Variants in SLC45A2 observed in about 807,000 individuals in gnomAD.
SLC45A2 encodes the protein membrane-associated transporter protein.
SLC45A2 carries 36 observed loss-of-function variants against 45.5 expected under a neutral mutation model. The ratio of observed to expected loss-of-function variants is 0.79; its 90% CI spans 0.61 to 1.04. The LOEUF (loss-of-function observed/expected upper bound fraction) is 1.04, where lower values mean the gene tolerates loss of function less well. SLC45A2 is among the 50% of genes least tolerant of loss of function. SLC45A2 has a pLI of 0.00. For missense variants in SLC45A2, 719 were observed against 671.0 expected, an observed-to-expected ratio of 1.07 and a Z score of -0.79; for synonymous variants, 306 against 269.3, an observed-to-expected ratio of 1.14 and a Z score of -1.33.
At chr5:33,948,262 T>C (rs1751997176) in intron 5 of SLC45A2, among the ~76,000 whole-genome samples, 1 of 152,246 alleles carries the variant, frequency 6.6e-6, no homozygotes, top group Non-Finnish European at 1.5e-5. Context: ...ATCAGTATAG[T>C]GGCAGAACTA....
chr5:33,960,331 G>A (rs530721452), intron 3 of SLC45A2, among the ~76,000 whole-genome samples: 4 of 151,900 alleles, frequency 2.6e-5, no homozygotes, highest in African/African-American at 9.7e-5. Flanking sequence ...TGATTGATGG[G>A]CATTTAGGTT....
chr5:33,956,451 A>G (rs537562601), intron 3 of SLC45A2, among the ~76,000 whole-genome samples: 23 of 63,236 alleles, frequency 3.6e-4, no homozygotes, highest in Middle Eastern at 6.0e-3. Context: ...AGACCATGAC[A>G]ACAGTTTTTT....
chr5:33,961,110 G>A (rs2111952990), intron 3 of SLC45A2, among the ~76,000 whole-genome samples: 1 of 152,210 alleles, frequency 6.6e-6, no homozygotes, highest in Non-Finnish European at 1.5e-5. Context: ...GCTATTGAAT[G>A]AATAAAAGAA....
intron 2 of SLC45A2, among the ~76,000 whole-genome samples, chr5:33,968,323 T>C (rs550542326): frequency 6.6e-6 from 1 of 152,216 alleles, no homozygotes; most frequent in African/African-American, 2.4e-5. Context: ...CACACCTACA[T>C]CCAGACTGTA....
chr5:33,975,852 A>T (rs1752914124), intron 2 of SLC45A2, among the ~76,000 whole-genome samples: 1 of 152,082 alleles, frequency 6.6e-6, no homozygotes. Context: ...TGCTTTCTTC[A>T]TTTAAAGAGT....
intron 3 of SLC45A2, among the ~76,000 whole-genome samples, chr5:33,958,768 GTTGTA>G (rs1209051326): frequency 6.6e-6 from 1 of 152,158 alleles, no homozygotes; most frequent in African/African-American, 2.4e-5. Context: ...CGTTGTATCT[GTTGTA>G]TTTATTTTTG....
chr5:33,955,642 TACACAC>T (rs796587683), intron 3 of SLC45A2, among the ~76,000 whole-genome samples: 2 of 151,336 alleles, frequency 1.3e-5, no homozygotes, highest in Non-Finnish European at 2.9e-5. Context: ...TATATGTTTA[TACACAC>T]ACACACACAA....
intron 2 of SLC45A2, among the ~76,000 whole-genome samples, chr5:33,974,337 C>T (rs539226274): frequency 6.6e-6 from 1 of 151,966 alleles, no homozygotes; most frequent in South Asian, 2.1e-4. Flanking sequence ...AGTCTTTTCT[C>T]TAGAAAATCC....
At chr5:33,951,757 C>T (rs1216358789) in intron 4 of SLC45A2, 80 bp from the exon 5 acceptor site, 26 of 1,573,728 alleles carry the variant, frequency 1.7e-5, no homozygotes, top group African/African-American at 1.3e-5. Context: ...TTCTCCACCT[C>T]TGGGGAGCAA....
intron 2 of SLC45A2, chr5:33,972,304 C>T (rs1752807470): frequency 4.8e-6 from 2 of 414,516 alleles, no homozygotes; most frequent in Non-Finnish European, 9.8e-6. Context: ...TACAACAGAC[C>T]AAATACACGG....
rs114161294 is a variant in SLC45A2 at position 33,976,282 on chromosome 5, G to T, written c.562+5954C>A. Among the ~76,000 whole-genome samples the T allele has an allele frequency of 9.7e-3, 1,483 of 152,272 alleles. 24 individuals carry two copies. The highest frequency in any genetic ancestry group is 0.034 in the African/African-American group (1,395 of 41,556). On this transcript the variant is annotated intron_variant, in intron 2 of 6. Coordinates refer to ENST00000296589, the MANE Select transcript of SLC45A2 (RefSeq NM_016180.5). ...AGTCCCCCAAAAAGATCATTAAAGTGCATATAACATTGTCTCTCATTCACA... is the reference window on the plus strand; with the variant it reads ...AGTCCCCCAAAAAGATCATTAAAGTTCATATAACATTGTCTCTCATTCACA...
intron 5 of SLC45A2, among the ~76,000 whole-genome samples, chr5:33,947,935 C>T (rs1475619285): frequency 6.6e-6 from 1 of 152,206 alleles, no homozygotes; most frequent in Non-Finnish European, 1.5e-5. Context: ...AGACACCTTC[C>T]CTGACTTGCC....
intron 2 of SLC45A2, chr5:33,971,911 G>A (rs1003417742): frequency 2.7e-6 from 1 of 366,632 alleles, no homozygotes; most frequent in Non-Finnish European, 5.5e-6. Flanking sequence ...ACAGGTGAGA[G>A]CTACCACACC....
chr5:33,966,985 C>T (rs1018933988), intron 2 of SLC45A2, among the ~76,000 whole-genome samples: 2 of 152,182 alleles, frequency 1.3e-5, no homozygotes, highest in African/African-American at 2.4e-5. Context: ...GCTGCCTCCT[C>T]ATCTGAATTT....
intron 4 of SLC45A2, among the ~76,000 whole-genome samples, chr5:33,952,086 C>T (rs534901451): frequency 2.3e-4 from 35 of 152,240 alleles, no homozygotes; most frequent in African/African-American, 8.2e-4. Flanking sequence ...CCCTTCAAGG[C>T]CCAGACCATA....
chr5:33,963,942 T>C lies in SLC45A2; in HGVS notation c.637A>G (p.Thr213Ala), dbSNP rs766639549. The change falls in exon 3 of 7, where the codon ACA becomes GCA. Residue 213 changes from threonine to alanine, a missense_variant. Transcript: ENST00000296589. ...AHLELGRLLG[T>A]EFQVMFFFSA... Reference sequence around the variant, plus strand: ...AAGAAGAACATGACCTGGAATTCTGTACCCAACAGTCTTCCCAGCTCCAGA... The same window carrying C: ...AAGAAGAACATGACCTGGAATTCTGCACCCAACAGTCTTCCCAGCTCCAGA... 2.5e-6 allele frequency: 4 copies of C among 1,614,144 alleles called. No homozygotes were observed. The highest frequency in any genetic ancestry group is 1.7e-5 in the Admixed American group (1 of 60,022).
chr5:33,964,094 A>AGGGC, intron 2 of SLC45A2, 78 bp from the exon 3 acceptor site: 1 of 1,475,760 alleles, frequency 6.8e-7, no homozygotes, highest in Non-Finnish European at 9.3e-7. Flanking sequence ...ACTCCCCTTC[A>AGGGC]GTGGGAAAAC....
chr5:33,978,672 C>A (rs1350844566), intron 2 of SLC45A2, among the ~76,000 whole-genome samples: 1 of 152,148 alleles, frequency 6.6e-6, no homozygotes, highest in Non-Finnish European at 1.5e-5. Context: ...TTCAAGGTGC[C>A]CCAACTTTCT....
chr5:33,964,138 T>C (rs571406288), intron 2 of SLC45A2, 122 bp from the exon 3 acceptor site: 7 of 953,760 alleles, frequency 7.3e-6, no homozygotes, highest in East Asian at 2.6e-5. Flanking sequence ...CTGGATATAA[T>C]TGGAAAAGCA....
Sources: allele counts gnomAD v4.1 joint callset (sites outside exome capture counted in the v4.1 genomes callset), GRCh38; gene constraint gnomAD v4.1.1; transcripts MANE v1.5; gene names NCBI Gene and HGNC (gene_info 2026-07-23, HGNC 2026-07-21).